The following RUFY3 variants were observed in gnomAD, a reference collection of about 807,000 sequenced individuals.
The protein encoded by RUFY3 is protein RUFY3.
A neutral mutation model predicts 84.0 loss-of-function variants in RUFY3; 34 were observed. The observed-to-expected ratio is 0.40, with a 90% confidence interval of 0.31 to 0.54. The LOEUF (loss-of-function observed/expected upper bound fraction) is 0.54. Among genes scored for constraint, RUFY3 ranks in the 20% least tolerant of loss-of-function variants. The pLI is 0.39. For missense variants in RUFY3, 507 were observed against 736.8 expected (o/e 0.69, Z 3.61); for synonymous variants, 242 against 252.9 (o/e 0.96, Z 0.41).
chr4:70,776,174 G>A (rs1200070385), intron 7 of RUFY3, among the ~76,000 whole-genome samples: 1 of 152,038 alleles, frequency 6.6e-6, no homozygotes, highest in Non-Finnish European at 1.5e-5. Context: ...CCCTATATAT[G>A]CTATGTTTTT....
At chr4:70,718,554 G>A (rs1397835776), upstream of RUFY3, among the ~76,000 whole-genome samples, 1 of 152,052 alleles carries the variant, frequency 6.6e-6, no homozygotes, top group African/African-American at 2.4e-5. Flanking sequence ...TCACAAATGG[G>A]ATCAAATGAG....
intron 17 of RUFY3, among the ~76,000 whole-genome samples, 171 bp from the exon 18 acceptor site, chr4:70,806,345 G>T (rs1445081585): frequency 6.6e-6 from 1 of 152,130 alleles, no homozygotes; most frequent in Non-Finnish European, 1.5e-5. Context: ...AAACTAGACG[G>T]TGAACTTTTT....
upstream of RUFY3, among the ~76,000 whole-genome samples, chr4:70,718,268 AAC>A (rs2148576321): frequency 6.6e-6 from 1 of 152,330 alleles, no homozygotes; most frequent in Admixed American, 6.5e-5. Flanking sequence ...CACAATATAT[AAC>A]AGAGACATTG....
intron 1 of RUFY3, among the ~76,000 whole-genome samples, chr4:70,706,031 A>G (rs1256459907): frequency 6.6e-6 from 1 of 152,188 alleles, no homozygotes. Flanking sequence ...CTCTGAATGC[A>G]GCTGACCCAC....
chr4:70,781,022 G>T (rs1429955073), intron 8 of RUFY3, among the ~76,000 whole-genome samples: 1 of 151,554 alleles, frequency 6.6e-6, no homozygotes, highest in Non-Finnish European at 1.5e-5. Flanking sequence ...ATCAAGGTGG[G>T]TGGATCGCTT....
In RUFY3 at chr4:70,722,100, T is replaced by C; in HGVS notation, c.-474T>C. ...CTCAGGATTTTTTTTTTAAGCTACA[T>C]TGAAAATATAGGTTTATTTTTTGTT... On this transcript the variant is annotated 5_prime_UTR_variant, in exon 1 of 18. Coordinates refer to ENST00000381006, the MANE Select transcript of RUFY3 (RefSeq NM_001037442.4). 3 of 1,231,962 alleles carry C rather than the reference T, an allele frequency of 2.4e-6. No homozygotes were observed. Among genetic ancestry groups the C allele is most frequent in the South Asian group, 4.1e-5 (1 of 24,308 alleles). The allele number at this position is 1,231,962 out of a possible 1,614,324, so 76.3% of individuals were successfully genotyped here. A position where few individuals can be genotyped will look rare whatever the true frequency, so the allele number is the denominator to read the frequency against.
chr4:70,755,182 A>G (rs1345594870), intron 1 of RUFY3, among the ~76,000 whole-genome samples: 3 of 152,176 alleles, frequency 2.0e-5, no homozygotes, highest in Non-Finnish European at 4.4e-5. Context: ...AGCGTGAGCC[A>G]CTGCGCCCAG....
chr4:70,715,689 G>A (rs1336050054), intron 1 of RUFY3, among the ~76,000 whole-genome samples: 1 of 150,900 alleles, frequency 6.6e-6, no homozygotes, highest in East Asian at 2.0e-4. Flanking sequence ...ATGAAACTGT[G>A]ATTCAGGAAG....
chr4:70,721,981 T>C lies in RUFY3; in HGVS notation c.-593T>C. ...TTCAGTTCAGTTCATTAGTCAGCCA[T>C]TTTGGTCAACACCCTGCTTACTGCG... On this transcript the variant is annotated 5_prime_UTR_variant, in exon 1 of 18. Coordinates refer to ENST00000381006, the MANE Select transcript of RUFY3 (RefSeq NM_001037442.4). The C allele has an allele frequency of 8.1e-7, 1 of 1,232,160 alleles. No individual in the cohort carries two copies. The highest frequency in any genetic ancestry group is 1.0e-6 in the Non-Finnish European group (1 of 987,970). The allele number at this position is 1,232,160 out of a possible 1,614,324, so 76.3% of individuals were successfully genotyped here.
intron 1 of RUFY3, among the ~76,000 whole-genome samples, chr4:70,751,571 G>A (rs562798998): frequency 2.0e-5 from 3 of 152,188 alleles, no homozygotes; most frequent in African/African-American, 7.2e-5. Flanking sequence ...TATATTTCAA[G>A]CCTTTGCCCA....
intron 1 of RUFY3, among the ~76,000 whole-genome samples, chr4:70,709,445 A>T (rs1740720517): frequency 6.6e-6 from 1 of 152,164 alleles, no homozygotes; most frequent in Admixed American, 6.5e-5. Context: ...TTATTGGAGG[A>T]TGCCCACTTT....
intron 1 of RUFY3, among the ~76,000 whole-genome samples, chr4:70,727,974 T>A (rs896333781): frequency 1.3e-5 from 2 of 152,108 alleles, no homozygotes; most frequent in Non-Finnish European, 2.9e-5. Flanking sequence ...TAATTAGAAA[T>A]GTATATGTTA....
At chr4:70,784,105 G>A (rs908660793) in intron 9 of RUFY3, among the ~76,000 whole-genome samples, 1 of 152,168 alleles carries the variant, frequency 6.6e-6, no homozygotes, top group African/African-American at 2.4e-5. Context: ...TTTATGACCT[G>A]CTTGTTTTTA....
chr4:70,773,428 T>C (rs760747205), intron 5 of RUFY3, 83 bp from the exon 6 acceptor site: 92 of 900,464 alleles, frequency 1.0e-4, no homozygotes, highest in Non-Finnish European at 1.5e-4. Context: ...TATTACTGTT[T>C]TGAGTGCCTA....
Position 70,711,715 on chromosome 4 carries a change from T to G in RUFY3, c.358+6421T>G, listed in dbSNP as rs538642030. ...AGATCTGGAGTTTAGGTGTTCAGTG[T>G]CTTGGTGCAGTTGGCTCCTTCCACA... On this transcript the variant is annotated intron_variant, in intron 1 of 11. Coordinates refer to the RUFY3 transcript ENST00000417478. 5.3e-5 allele frequency among the ~76,000 whole-genome samples: 8 copies of G among 152,306 alleles called. No individual in the cohort carries two copies. In the East Asian group the frequency reaches 1.5e-3, roughly 29 times the overall value.
At position 70,754,646 on chromosome 4, in the gene RUFY3, C is replaced by T. The variant is rs147331459; in HGVS notation, c.179-7873C>T. 4.8e-4 allele frequency among the ~76,000 whole-genome samples: 73 copies of T among 151,568 alleles called. 1 individual carries two copies. The highest frequency in any genetic ancestry group is 1.7e-3 in the African/African-American group (70 of 41,362). ...TACAAGGTCTTTTTCAGTACTTTCA[C>T]TTCTTTCTTTCACAATTAAGGACTC... On this transcript the variant is annotated intron_variant, in intron 1 of 17. Coordinates refer to ENST00000381006, the MANE Select transcript of RUFY3 (RefSeq NM_001037442.4).
intron 1 of RUFY3, among the ~76,000 whole-genome samples, chr4:70,711,072 A>G (rs1389908275): frequency 1.4e-4 from 17 of 120,710 alleles, no homozygotes; most frequent in African/African-American, 7.3e-4. Flanking sequence ...TGGAAAAAAA[A>G]AAAAAAAAAA....
chr4:70,704,613 T>G (rs1577857006), upstream of RUFY3: 9 of 170,322 alleles, frequency 5.3e-5, no homozygotes, highest in East Asian at 2.8e-4. Flanking sequence ...AAGCGGAAGG[T>G]GGGGAGTGGG....
In RUFY3 at chr4:70,778,586, T is replaced by TC. The variant is rs1475358323; in HGVS notation, c.894+148_894+149insC. On this transcript the variant is annotated intron_variant, in intron 8 of 17. Transcript: ENST00000381006. Reference sequence around the variant, plus strand: ...TAACTTCTTATTCTTTTTTTTTTTTTTTTTTTTTTTGAGATGGAGTTTCGC... The same window carrying TC: ...TAACTTCTTATTCTTTTTTTTTTTTTCTTTTTTTTTTGAGATGGAGTTTCGC... The TC allele has an allele frequency of 2.1e-4, 105 of 500,872 alleles. No homozygotes were observed. The East Asian group carries it at 3.7e-3, about 18-fold the overall frequency. The allele number at this position is 500,872 out of a possible 1,614,324, so 31.0% of individuals were successfully genotyped here. A position where few individuals can be genotyped will look rare whatever the true frequency, so the allele number is the denominator to read the frequency against.
Sources: gnomAD v4.1 joint callset for allele counts (sites outside exome capture counted in the v4.1 genomes callset) on GRCh38, gnomAD v4.1.1 for gene constraint, MANE v1.5 for transcripts, NCBI Gene and HGNC (gene_info 2026-07-23, HGNC 2026-07-21) for gene names.